Variants in NELL1 observed in about 807,000 individuals in gnomAD.
The protein encoded by NELL1 is protein kinase C-binding protein NELL1.
NELL1 carries 76 observed loss-of-function variants against 107.4 expected under a neutral mutation model. That is an observed-to-expected ratio of 0.71 (90% confidence interval 0.59 to 0.86). The LOEUF (loss-of-function observed/expected upper bound fraction) is 0.86, where lower values mean the gene tolerates loss of function less well. Ranked by LOEUF, NELL1 falls within the 40% of genes least tolerant of loss-of-function variation. The pLI is 0.00. For missense variants in NELL1, 1,024 were observed against 1,005.5 expected, an observed-to-expected ratio of 1.02 and a Z score of -0.25; for synonymous variants, 353 against 341.2, an observed-to-expected ratio of 1.03 and a Z score of -0.38.
chr11:21,542,670 A>T (rs1188637212), intron 16 of NELL1, among the ~76,000 whole-genome samples: 1 of 152,078 alleles, frequency 6.6e-6, no homozygotes, highest in Admixed American at 6.6e-5. Flanking sequence ...ATGTAAATCC[A>T]GAGAAGAAAA....
intron 14 of NELL1, among the ~76,000 whole-genome samples, chr11:21,234,350 AT>A (rs1466964409): frequency 6.6e-6 from 1 of 152,012 alleles, no homozygotes; most frequent in Non-Finnish European, 1.5e-5. Context: ...GCTTGGGGAT[AT>A]TTTTGGGGTG....
intron 3 of NELL1, among the ~76,000 whole-genome samples, chr11:20,816,379 T>G (rs144274897): frequency 1.4e-4 from 21 of 152,322 alleles, no homozygotes; most frequent in Non-Finnish European, 2.5e-4. Flanking sequence ...GTTAGACTTA[T>G]TCCTAGGTAT....
chr11:20,961,922 T>C (rs1851299245), intron 12 of NELL1, among the ~76,000 whole-genome samples: 1 of 152,158 alleles, frequency 6.6e-6, no homozygotes, highest in African/African-American at 2.4e-5. Flanking sequence ...CAAGAGGATA[T>C]ATCTTATTAC....
intron 4 of NELL1, among the ~76,000 whole-genome samples, chr11:20,861,002 A>G (rs1489476415): frequency 6.6e-6 from 1 of 152,200 alleles, no homozygotes; most frequent in East Asian, 1.9e-4. Context: ...GCTCACAGTA[A>G]GGGCCTCATT....
At chr11:21,285,652 G>A (rs1253041068) in intron 14 of NELL1, among the ~76,000 whole-genome samples, 1 of 152,128 alleles carries the variant, frequency 6.6e-6, no homozygotes, top group African/African-American at 2.4e-5. Flanking sequence ...GAGTGTAGAG[G>A]TCAAAACCCC....
At chr11:20,728,028 GT>G (rs1855547289) in intron 2 of NELL1, among the ~76,000 whole-genome samples, 1 of 152,036 alleles carries the variant, frequency 6.6e-6, no homozygotes, top group Admixed American at 6.6e-5. Flanking sequence ...TTTTATTGTG[GT>G]TTTGATTTGC....
chr11:20,832,095 C>T (rs1361080783), intron 3 of NELL1, among the ~76,000 whole-genome samples: 1 of 152,186 alleles, frequency 6.6e-6, no homozygotes, highest in African/African-American at 2.4e-5. Context: ...CTACACTGGT[C>T]TTACTAATGG....
chr11:21,435,518 G>A (rs1220093664), intron 15 of NELL1, among the ~76,000 whole-genome samples: 1 of 144,490 alleles, frequency 6.9e-6, no homozygotes, highest in Non-Finnish European at 1.5e-5. Context: ...TTTTTACCAT[G>A]AAGAGATGTT....
rs530873175 is a variant in NELL1 at position 21,496,830 on chromosome 11, G to C, written c.1646-37544G>C. On this transcript the variant is annotated intron_variant, in intron 15 of 19. Coordinates refer to ENST00000357134, the MANE Select transcript of NELL1 (RefSeq NM_006157.5). ...AGAAGTAAACCATTCCTGTGTCTAA[G>C]CGTTCTCATTGTTCAATTCCCACCT... Among the ~76,000 whole-genome samples, 23 of 152,140 alleles carry C rather than the reference G, an allele frequency of 1.5e-4. No individual in the cohort carries two copies. The South Asian group carries it at 3.3e-3, about 22-fold the overall frequency.
At chr11:20,998,897 C>T (rs902293345) in intron 12 of NELL1, among the ~76,000 whole-genome samples, 3 of 152,130 alleles carry the variant, frequency 2.0e-5, no homozygotes, top group African/African-American at 7.2e-5. Flanking sequence ...TCTGTAAACT[C>T]AGCCTTTCTT....
chr11:21,408,019 T>C (rs185706437), intron 15 of NELL1, among the ~76,000 whole-genome samples: 1 of 152,048 alleles, frequency 6.6e-6, no homozygotes, highest in Non-Finnish European at 1.5e-5. Context: ...TCTTTTATTG[T>C]GATATGGAGA....
intron 15 of NELL1, among the ~76,000 whole-genome samples, chr11:21,451,334 G>T (rs1040534328): frequency 6.6e-6 from 1 of 152,146 alleles, no homozygotes; most frequent in Non-Finnish European, 1.5e-5. Flanking sequence ...ACATAGCAGG[G>T]CTGATGTGTT....
intron 5 of NELL1, among the ~76,000 whole-genome samples, chr11:20,887,603 G>A (rs572617444): frequency 1.8e-4 from 28 of 152,182 alleles, no homozygotes; most frequent in Admixed American, 3.3e-4. Flanking sequence ...AGCAGAAGGA[G>A]GCAATCCAGA....
chr11:20,730,574 G>A (rs1362051624), intron 2 of NELL1, among the ~76,000 whole-genome samples: 1 of 152,106 alleles, frequency 6.6e-6, no homozygotes, highest in Non-Finnish European at 1.5e-5. Flanking sequence ...TCTTGCTATG[G>A]TGCACTCCTA....
intron 1 of NELL1, chr11:20,674,644 A>G: frequency 2.2e-6 from 2 of 893,186 alleles, no homozygotes; most frequent in Non-Finnish European, 3.6e-6. Flanking sequence ...TCTTAAGGGC[A>G]CAGGGTTAGT....
chr11:20,899,260 A>C (rs1849820236), intron 5 of NELL1, among the ~76,000 whole-genome samples: 1 of 152,136 alleles, frequency 6.6e-6, no homozygotes, highest in Non-Finnish European at 1.5e-5. Flanking sequence ...ATCTCCACAA[A>C]TTACAAAAAA....
In NELL1 at chr11:21,473,897, T is replaced by A. The variant is rs183620713; in HGVS notation, c.1646-60477T>A. Among the ~76,000 whole-genome samples, 5 of 152,214 alleles carry A rather than the reference T, an allele frequency of 3.3e-5. No individual in the cohort carries two copies. The East Asian group carries it at 9.7e-4, about 29-fold the overall frequency. On this transcript the variant is annotated intron_variant, in intron 15 of 19. Coordinates refer to ENST00000357134, the MANE Select transcript of NELL1 (RefSeq NM_006157.5). ...AAGTCTTTAGGTTCCAACAGATTCATGCTTCAAGGTGTCTGTTCAGATAAT... is the reference window on the plus strand; with the variant it reads ...AAGTCTTTAGGTTCCAACAGATTCAAGCTTCAAGGTGTCTGTTCAGATAAT...
intron 13 of NELL1, among the ~76,000 whole-genome samples, chr11:21,115,643 C>T (rs1197659037): frequency 2.6e-5 from 4 of 151,784 alleles, no homozygotes; most frequent in Non-Finnish European, 4.4e-5. Context: ...ATAAAGTCTT[C>T]CCACCCTGAA....
intron 2 of NELL1, among the ~76,000 whole-genome samples, chr11:20,764,532 C>T (rs1431733583): frequency 6.6e-6 from 1 of 151,752 alleles, no homozygotes; most frequent in Non-Finnish European, 1.5e-5. Context: ...GGCTGGGACA[C>T]CAGTTCTCAG....
Sources: gnomAD v4.1 joint callset for allele counts (sites outside exome capture counted in the v4.1 genomes callset) on GRCh38, gnomAD v4.1.1 for gene constraint, MANE v1.5 for transcripts, NCBI Gene and HGNC (gene_info 2026-07-23, HGNC 2026-07-21) for gene names.